The following FBXO2 variants were observed in gnomAD, a reference collection of about 807,000 sequenced individuals.
The protein encoded by FBXO2 is F-box only protein 2.
In FBXO2, 32 loss-of-function variants were observed where a neutral mutation model predicts 38.6. The observed-to-expected ratio is 0.83, with a 90% CI of 0.62 to 1.11. The LOEUF (loss-of-function observed/expected upper bound fraction) is 1.11, where lower values mean the gene tolerates loss of function less well. FBXO2 is among the 50% of genes most tolerant of loss of function. The pLI is 0.00. For synonymous variants in FBXO2, 189 were observed against 182.9 expected, an observed-to-expected ratio of 1.03 and a Z score of -0.27; for missense variants, 450 against 418.3, an observed-to-expected ratio of 1.08 and a Z score of -0.66.
rs1371412332 is a variant in FBXO2 at position 11,648,498 on chromosome 1, T to G, written c.*196A>C. 2.8e-6 allele frequency: 2 copies of G among 701,814 alleles called. No individual in the cohort carries two copies. Among genetic ancestry groups the G allele is most frequent in the Admixed American group, 5.8e-5 (2 of 34,506 alleles). The allele number at this position is 701,814 out of a possible 1,614,324, so 43.5% of individuals were successfully genotyped here. ...AGCTCACGCCCTCACGGATCTACAT[T>G]CTAGAAGCCGGCTACCTAAGCAAAC... is the stretch of plus-strand genomic sequence containing the variant. On this transcript the variant is annotated 3_prime_UTR_variant, in exon 6 of 6. Transcript: ENST00000354287. This position sits in a 1 kb window ranked among gnomAD's most constrained non-coding sequence, Gnocchi z 4.2.
chr1:11,648,981 C>CCCAGA lies in FBXO2; in HGVS notation c.756+105_756+106insTCTGG. 1.5e-6 allele frequency: 2 copies of CCCAGA among 1,372,200 alleles called. No homozygotes were observed. Among genetic ancestry groups the CCCAGA allele is most frequent in the South Asian group, 1.3e-5 (1 of 74,436 alleles). 85.0% of individuals were successfully genotyped at this position (1,372,200 alleles called of 1,614,324 possible). The stretch of plus-strand genomic sequence containing the variant: ...CCACCCGGTGACTATCTCAGCCCAG[C>CCCAGA]CCAGCCCAGCCCACCCCAGCCCAGG... On this transcript the variant is annotated intron_variant, in intron 5 of 5. Transcript: ENST00000354287. The surrounding 1 kb of genome is among the most constrained non-coding windows in gnomAD (Gnocchi z 4.2).
intron 1 of FBXO2, among the ~76,000 whole-genome samples, chr1:11,651,875 T>C (rs1238562838): frequency 6.6e-6 from 1 of 152,192 alleles, no homozygotes; most frequent in Non-Finnish European, 1.5e-5. Context: ...AATTTTTGTA[T>C]TTTTAGTAGA....
chr1:11,649,507 G>T, intron 4 of FBXO2: 1 of 588,258 alleles, frequency 1.7e-6, no homozygotes, highest in Non-Finnish European at 3.0e-6. Flanking sequence ...CTTTGGTTTG[G>T]ACCGCAGACT....
At position 11,648,576 on chromosome 1, in the gene FBXO2, G is replaced by T; in HGVS notation, c.*118C>A. The T allele has an allele frequency of 1.4e-6, 2 of 1,380,606 alleles. No individual in the cohort carries two copies. Among genetic ancestry groups the T allele is most frequent in the African/African-American group, 1.4e-5 (1 of 70,444 alleles). 85.5% of individuals were successfully genotyped at this position (1,380,606 alleles called of 1,614,324 possible). A position where few individuals can be genotyped will look rare whatever the true frequency, so the allele number is the denominator to read the frequency against. ...GCTCAGGGGCTGGGATCGGAGCAAGGGATGGGAGGAGGATGTGTGGCTTGG... is the reference window on the plus strand; with the variant it reads ...GCTCAGGGGCTGGGATCGGAGCAAGTGATGGGAGGAGGATGTGTGGCTTGG... On this transcript the variant is annotated 3_prime_UTR_variant, in exon 6 of 6. Transcript: ENST00000354287. The surrounding 1 kb of genome is among the most constrained non-coding windows in gnomAD (Gnocchi z 4.2).
At chr1:11,651,275 T>C (rs1366070005) in intron 1 of FBXO2, among the ~76,000 whole-genome samples, 2 of 152,156 alleles carry the variant, frequency 1.3e-5, no homozygotes, top group Non-Finnish European at 2.9e-5. Context: ...TTCCTAGCTT[T>C]TGTCCTGGGG....
Position 11,648,989 on chromosome 1 carries a change from A to G in FBXO2, c.756+98T>C. Reference sequence around the variant, plus strand: ...TGACTATCTCAGCCCAGCCCAGCCCAGCCCACCCCAGCCCAGGAGCGCTGT... The same window carrying G: ...TGACTATCTCAGCCCAGCCCAGCCCGGCCCACCCCAGCCCAGGAGCGCTGT... On this transcript the variant is annotated intron_variant, in intron 5 of 5. Transcript: ENST00000354287. This position sits in a 1 kb window ranked among gnomAD's most constrained non-coding sequence, Gnocchi z 4.2. 2.2e-6 allele frequency: 3 copies of G among 1,372,858 alleles called. No individual in the cohort carries two copies. The highest frequency in any genetic ancestry group is 3.0e-6 in the Non-Finnish European group (3 of 1,003,468). 85.0% of individuals were successfully genotyped at this position (1,372,858 alleles called of 1,614,324 possible).
intron 2 of FBXO2, among the ~76,000 whole-genome samples, 173 bp downstream of exon 2, chr1:11,650,293 G>A (rs1050275824): frequency 6.6e-6 from 1 of 152,210 alleles, no homozygotes; most frequent in African/African-American, 2.4e-5. Context: ...GAGGACCCGG[G>A]AGACCCCAGG....
rs1054770374 is a variant in FBXO2 at position 11,649,098 on chromosome 1, C to T, written c.745G>A (p.Gly249Ser). 1 of 1,597,506 alleles carries T rather than the reference C, an allele frequency of 6.3e-7. No homozygotes were observed. The highest frequency in any genetic ancestry group is 1.7e-5 in the Admixed American group (1 of 58,668). Residue 249 changes from glycine to serine, a missense_variant, in exon 5 of 6, where the codon GGC becomes AGC. Transcript: ENST00000354287. ...VAVPQDSDGG[G>S]WMEISHTFTD... ...TCCCCCAGGCTCACCTCCATCCAGC[C>T]CCCGCCGTCACTGTCTTGGGGCACT...
chr1:11,652,894 G>A (rs1473200110), intron 1 of FBXO2, among the ~76,000 whole-genome samples: 2 of 152,200 alleles, frequency 1.3e-5, no homozygotes, highest in Non-Finnish European at 2.9e-5. Flanking sequence ...CACACAGTGA[G>A]TCCTCAGTCA....
At chr1:11,652,458 G>A (rs187540354) in intron 1 of FBXO2, among the ~76,000 whole-genome samples, 68 of 152,254 alleles carry the variant, frequency 4.5e-4, no homozygotes, top group Non-Finnish European at 7.2e-4. Flanking sequence ...CAGGACAGAC[G>A]TCCAAATCCC....
chr1:11,649,004 AG>A, intron 5 of FBXO2, 82 bp downstream of exon 5: 1 of 1,283,826 alleles, frequency 7.8e-7, no homozygotes, highest in Non-Finnish European at 1.1e-6. Context: ...ACCCCAGCCC[AG>A]GAGCGCTGTG....
In FBXO2 at chr1:11,649,950, G is replaced by A. The variant is rs760672728; in HGVS notation, c.516C>T (p.Ser172=). The A allele has an allele frequency of 1.2e-6, 2 of 1,613,884 alleles. No individual in the cohort carries two copies. Among genetic ancestry groups the A allele is most frequent in the Admixed American group, 3.3e-5 (2 of 60,022 alleles). The change falls in exon 3 of 6, where the codon TCC becomes TCT. Residue 172 remains serine (S), a synonymous_variant. Transcript: ENST00000354287. ...CTCCACCCCCTTCTCCTTACTCAAAGGAGGAGGCGAAGTACTTCTTGACGC... is the reference window on the plus strand; with the variant it reads ...CTCCACCCCCTTCTCCTTACTCAAAAGAGGAGGCGAAGTACTTCTTGACGC... The part of the protein sequence containing the change: ...DESVKKYFAS[S]FEWCRKAQVI...
chr1:11,650,367 C>A, intron 2 of FBXO2, 99 bp downstream of exon 2: 2 of 1,495,946 alleles, frequency 1.3e-6, no homozygotes, highest in Non-Finnish European at 1.8e-6. Context: ...TGGCACTGAG[C>A]CAGGCGCTTA....
chr1:11,648,883 GCC>G lies in FBXO2; in HGVS notation c.757-57_757-56del. 1 of 1,599,804 alleles carries G rather than the reference GCC, an allele frequency of 6.3e-7. No individual in the cohort carries two copies. Among genetic ancestry groups the G allele is most frequent in the East Asian group, 2.2e-5 (1 of 44,600 alleles). On this transcript the variant is annotated intron_variant, in intron 5 of 5. Transcript: ENST00000354287. This position sits in a 1 kb window ranked among gnomAD's most constrained non-coding sequence, Gnocchi z 4.2. ...CGGAGGTCCTGAGGCCTCTCCTGCC[GCC>G]CCACCCCGGTACACCGACCGACCTG... is the stretch of plus-strand genomic sequence containing the variant.
At position 11,648,587 on chromosome 1, in the gene FBXO2, G is replaced by A. The variant is rs1639454960; in HGVS notation, c.*107C>T. 1 of 1,429,146 alleles carries A rather than the reference G, an allele frequency of 7.0e-7. No homozygotes were observed. 88.5% of individuals were successfully genotyped at this position (1,429,146 alleles called of 1,614,324 possible). ...GGGATCGGAGCAAGGGATGGGAGGA[G>A]GATGTGTGGCTTGGGGAAGGTGAGG... is the stretch of plus-strand genomic sequence containing the variant. On this transcript the variant is annotated 3_prime_UTR_variant, in exon 6 of 6. Transcript: ENST00000354287. This position sits in a 1 kb window ranked among gnomAD's most constrained non-coding sequence, Gnocchi z 4.2.
chr1:11,649,702 G>A (rs1325101588), intron 4 of FBXO2, 77 bp downstream of exon 4: 9 of 1,464,336 alleles, frequency 6.1e-6, no homozygotes, highest in African/African-American at 1.4e-5. Flanking sequence ...ACCCCCAGGC[G>A]GGGGGTTCCC....
chr1:11,653,067 G>T (rs931271235), intron 1 of FBXO2, among the ~76,000 whole-genome samples: 1 of 152,214 alleles, frequency 6.6e-6, no homozygotes, highest in Non-Finnish European at 1.5e-5. Context: ...ATCGCAGAAC[G>T]GCAGGAAGAC....
chr1:11,650,744 T>G lies in FBXO2; in HGVS notation c.113A>C (p.Glu38Ala). The G allele has an allele frequency of 1.3e-6, 2 of 1,530,710 alleles. No homozygotes were observed. Among genetic ancestry groups the G allele is most frequent in the Non-Finnish European group, 1.7e-6 (2 of 1,144,970 alleles). The allele number at this position is 1,530,710 out of a possible 1,614,324, so 94.8% of individuals were successfully genotyped here. The change falls in exon 2 of 6, where the codon GAG (glutamate) becomes GCG (alanine). Residue 38 changes from glutamate (E) to alanine (A), a missense_variant. Physicochemically the swap from Glu to Ala is moderately radical, Grantham distance 107. Coordinates refer to ENST00000354287, the MANE Select transcript of FBXO2 (RefSeq NM_012168.6). The part of the protein sequence containing the change: ...EEERPEDQQE[E>A]EAAAAAAYLD... Reference sequence around the variant, plus strand: ...GTACGCGGCGGCGGCCGCCGCCTCCTCCTCCTGCTGGTCCTCCGGCCGCTC... The same window carrying G: ...GTACGCGGCGGCGGCCGCCGCCTCCGCCTCCTGCTGGTCCTCCGGCCGCTC...
chr1:11,650,826 C>G lies in FBXO2; in HGVS notation c.31G>C (p.Gly11Arg). The G allele has an allele frequency of 3.9e-6, 6 of 1,551,098 alleles. No individual in the cohort carries two copies. Among genetic ancestry groups the G allele is most frequent in the Non-Finnish European group, 5.2e-6 (6 of 1,154,136 alleles). The stretch of plus-strand genomic sequence containing the variant: ...TCCGGGCTTGCCTCCTCGGGCTGGC[C>G]CACGCTCTCTGCAGGCAGGGATGGG... MDGDGDPESV[G>R]QPEEASPEEQ... The change falls in exon 2 of 6, where the codon GGC becomes CGC. Residue 11 changes from glycine to arginine, a missense_variant. Gly to Arg is a moderately radical substitution (Grantham distance 125, BLOSUM62 -2). Coordinates refer to ENST00000354287, the MANE Select transcript of FBXO2 (RefSeq NM_012168.6).
Sources: allele counts gnomAD v4.1 joint callset (sites outside exome capture counted in the v4.1 genomes callset), GRCh38; gene constraint gnomAD v4.1.1; non-coding constraint Gnocchi (gnomAD v3.1); transcripts MANE v1.5; gene names NCBI Gene and HGNC (gene_info 2026-07-23, HGNC 2026-07-21).